Variants in ABI3BP observed in about 807,000 individuals in gnomAD.
ABI3BP encodes target of Nesh-SH3.
A neutral mutation model predicts 268.6 loss-of-function variants in ABI3BP; 216 were observed. The observed-to-expected ratio is 0.80, with a 90% CI of 0.72 to 0.90. The LOEUF is 0.90. Ranked by LOEUF, ABI3BP falls within the 40% of genes least tolerant of loss-of-function variation. The pLI is 0.00. For missense variants in ABI3BP, 2,090 were observed against 2,182.4 expected, an observed-to-expected ratio of 0.96 and a Z score of 0.84; for synonymous variants, 730 against 730.0, an observed-to-expected ratio of 1.00 and a Z score of 0.00.
chr3:100,843,675 C>G (rs546716497), intron 20 of ABI3BP: 308 of 984,068 alleles, frequency 3.1e-4, no homozygotes, highest in Middle Eastern at 5.2e-4. Context: ...TAAGGGAGTG[C>G]ATGTATAGGT....
At chr3:100,929,050 T>C (rs1047662080) in intron 1 of ABI3BP, among the ~76,000 whole-genome samples, 1 of 152,068 alleles carries the variant, frequency 6.6e-6, no homozygotes, top group Non-Finnish European at 1.5e-5. Context: ...ATGGAACCAA[T>C]GTAAAATCGA....
intron 2 of ABI3BP, among the ~76,000 whole-genome samples, chr3:100,909,513 C>T (rs952157116): frequency 3.9e-5 from 6 of 152,078 alleles, no homozygotes; most frequent in African/African-American, 7.2e-5. Flanking sequence ...TGTGATCTAT[C>T]CATCTGACAA....
intron 20 of ABI3BP, chr3:100,843,584 G>T: frequency 2.0e-6 from 2 of 982,558 alleles, no homozygotes; most frequent in Non-Finnish European, 2.4e-6. Flanking sequence ...GGAGAAGAAA[G>T]AGTGTCTGGG....
intron 56 of ABI3BP, among the ~76,000 whole-genome samples, chr3:100,788,535 T>A (rs2097114123): frequency 6.6e-6 from 1 of 152,038 alleles, no homozygotes; most frequent in African/African-American, 2.4e-5. Context: ...CAGTGCTCGG[T>A]CATTATTAGC....
chr3:100,815,949 AG>A lies in ABI3BP; in HGVS notation c.3251del (p.Pro1084LeufsTer15), dbSNP rs2098027386. On this transcript the variant is annotated frameshift_variant, in exon 44 of 68. Coordinates refer to ENST00000471714, the MANE Select transcript of ABI3BP (RefSeq NM_001375547.2). LOFTEE classifies it high-confidence loss of function. ...NKSVSVTGFE[P>X]VVHSTDAPGT... Reference sequence around the variant, plus strand: ...CTGGAGCATCAGTACTATGAACAACAGGTTCAAAGCCTGTAACAGAAACTAA... The same window carrying A: ...CTGGAGCATCAGTACTATGAACAACAGTTCAAAGCCTGTAACAGAAACTAA... The A allele has an allele frequency of 1.3e-6, 2 of 1,527,412 alleles. No homozygotes were observed. The highest frequency in any genetic ancestry group is 1.7e-4 in the Middle Eastern group (1 of 5,894). The allele number at this position is 1,527,412 out of a possible 1,614,324, so 94.6% of individuals were successfully genotyped here. A position where few individuals can be genotyped will look rare whatever the true frequency, so the allele number is the denominator to read the frequency against.
chr3:100,890,277 A>T (rs2083008), intron 4 of ABI3BP, among the ~76,000 whole-genome samples: 116,368 of 152,038 alleles, frequency 0.77, 46,106 homozygotes, highest in Non-Finnish European at 0.87. Flanking sequence ...CAAAGAACAC[A>T]TCCTGACACT....
At chr3:100,985,484 G>A (rs112081858) in intron 1 of ABI3BP, among the ~76,000 whole-genome samples, 6 of 152,046 alleles carry the variant, frequency 3.9e-5, no homozygotes, top group African/African-American at 1.2e-4. Context: ...GTATCATCAG[G>A]TTCATAGGTG....
At chr3:100,976,637 AC>A (rs1300212832) in intron 1 of ABI3BP, among the ~76,000 whole-genome samples, 1 of 152,202 alleles carries the variant, frequency 6.6e-6, no homozygotes, top group African/African-American at 2.4e-5. Context: ...CATAATGCCT[AC>A]CCTGGAGATA....
At chr3:100,972,449 G>C (rs2084051210) in intron 1 of ABI3BP, among the ~76,000 whole-genome samples, 1 of 152,124 alleles carries the variant, frequency 6.6e-6, no homozygotes, top group African/African-American at 2.4e-5. Flanking sequence ...GTTCCAACAA[G>C]CCCTTTCCCA....
At chr3:100,766,248 T>C (rs1014989876) in intron 62 of ABI3BP, among the ~76,000 whole-genome samples, 9 of 152,220 alleles carry the variant, frequency 5.9e-5, no homozygotes, top group Non-Finnish European at 1.0e-4. Flanking sequence ...TTTGGATACA[T>C]AGCCTTTGAT....
At chr3:100,882,619 A>C (rs1050908918) in intron 6 of ABI3BP, among the ~76,000 whole-genome samples, 6 of 151,976 alleles carry the variant, frequency 3.9e-5, no homozygotes, top group African/African-American at 1.5e-4. Flanking sequence ...TGAAGTGATA[A>C]AATGCCTGGC....
intron 33 of ABI3BP, 56 bp from the exon 34 acceptor site, chr3:100,828,508 C>T: frequency 7.0e-7 from 1 of 1,438,308 alleles, no homozygotes; most frequent in Non-Finnish European, 9.4e-7. Context: ...TTTATAAAAA[C>T]TCAGAACATT....
chr3:100,752,801 C>T lies in ABI3BP; in HGVS notation c.5108G>A (p.Ser1703Asn). The change falls in exon 66 of 68, where the codon AGC (serine) becomes AAC (asparagine). Residue 1703 changes from serine to asparagine, a missense_variant. Transcript: ENST00000471714. Reference sequence around the variant, plus strand: ...GCTCTGCTTACCTGTGAGGGAGTCGCTCAAGTAAATCTTGTATCTGAGAGA... The same window carrying T: ...GCTCTGCTTACCTGTGAGGGAGTCGTTCAAGTAAATCTTGTATCTGAGAGA... ...CNSLRYKIYL[S>N]DSLTGKFYNI... The T allele has an allele frequency of 5.0e-6, 8 of 1,613,100 alleles. No individual in the cohort carries two copies. The highest frequency in any genetic ancestry group is 6.8e-6 in the Non-Finnish European group (8 of 1,179,628).
At chr3:100,848,922 G>T (rs1410558199) in intron 17 of ABI3BP, 47 bp from the exon 18 acceptor site, 14 of 1,541,058 alleles carry the variant, frequency 9.1e-6, no homozygotes, top group Non-Finnish European at 1.2e-5. Flanking sequence ...TTTTTCAGGG[G>T]TCAATCAGGT....
chr3:100,959,130 C>T (rs1244950157), intron 1 of ABI3BP, among the ~76,000 whole-genome samples: 2 of 152,140 alleles, frequency 1.3e-5, no homozygotes, highest in African/African-American at 4.8e-5. Context: ...CTAGGCCAGA[C>T]CATTAGAGAC....
At chr3:100,867,924 T>C (rs2099070718) in intron 9 of ABI3BP, among the ~76,000 whole-genome samples, 1 of 152,216 alleles carries the variant, frequency 6.6e-6, no homozygotes, top group Non-Finnish European at 1.5e-5. Context: ...ATGTAGATGT[T>C]CTTTTTCAAA....
intron 55 of ABI3BP, among the ~76,000 whole-genome samples, chr3:100,791,429 A>G (rs1019161168): frequency 1.3e-5 from 2 of 151,922 alleles, no homozygotes; most frequent in African/African-American, 4.8e-5. Context: ...TGCTTGTTGT[A>G]AATATTTATG....
intron 2 of ABI3BP, 40 bp downstream of exon 2, chr3:100,926,262 T>A: frequency 1.2e-6 from 2 of 1,602,254 alleles, no homozygotes; most frequent in Non-Finnish European, 1.7e-6. Context: ...CCCCACCTCT[T>A]ACCTCCTTTC....
chr3:100,809,928 A>T (rs539149044), intron 49 of ABI3BP, among the ~76,000 whole-genome samples: 85 of 152,166 alleles, frequency 5.6e-4, no homozygotes, highest in Middle Eastern at 3.4e-3. Flanking sequence ...TGCAGAAAGG[A>T]GTGGAAAGAA....
Sources: allele counts gnomAD v4.1 joint callset (sites outside exome capture counted in the v4.1 genomes callset), GRCh38; gene constraint gnomAD v4.1.1; transcripts MANE v1.5; gene names NCBI Gene and HGNC (gene_info 2026-07-23, HGNC 2026-07-21).